SGCD: variants seen among roughly 807,000 people sequenced by gnomAD.
SGCD encodes the protein sarcoglycan delta, also known as delta-sarcoglycan.
Under a neutral mutation model 36.6 loss-of-function variants are expected in SGCD, and 18 were observed. The ratio of observed to expected loss-of-function variants is 0.49; its 90% CI spans 0.34 to 0.73. The LOEUF (loss-of-function observed/expected upper bound fraction) is 0.73. Ranked by LOEUF, SGCD falls within the 30% of genes least tolerant of loss-of-function variation. SGCD has a pLI of 0.01. For synonymous variants in SGCD, 133 were observed against 130.6 expected (o/e 1.02, Z -0.12); for missense variants, 387 against 346.7 (o/e 1.12, Z -0.92).
chr5:156,556,492 A>G (rs1176667746), intron 4 of SGCD, among the ~76,000 whole-genome samples: 4 of 152,162 alleles, frequency 2.6e-5, no homozygotes, highest in African/African-American at 9.6e-5. Flanking sequence ...TCTAAAAATC[A>G]AGAGATCATT....
At chr5:156,378,297 A>G (rs991132822) in intron 3 of SGCD, among the ~76,000 whole-genome samples, 2 of 152,194 alleles carry the variant, frequency 1.3e-5, no homozygotes, top group Non-Finnish European at 2.9e-5. Flanking sequence ...AAGCAGTCAC[A>G]TTGCTAGAGA....
intron 3 of SGCD, among the ~76,000 whole-genome samples, chr5:156,151,549 T>C (rs1312724927): frequency 1.3e-5 from 2 of 151,606 alleles, no homozygotes; most frequent in African/African-American, 4.9e-5. Flanking sequence ...AATGCCATAA[T>C]GCATTGGCTC....
chr5:156,185,435 C>A (rs368859986), intron 3 of SGCD, among the ~76,000 whole-genome samples: 1 of 151,850 alleles, frequency 6.6e-6, no homozygotes. Flanking sequence ...AGGATGGTCT[C>A]GATCTCCTGA....
At chr5:155,873,080 C>T (rs1292773555) in intron 1 of SGCD, among the ~76,000 whole-genome samples, 2 of 152,076 alleles carry the variant, frequency 1.3e-5, no homozygotes, top group Non-Finnish European at 2.9e-5. Flanking sequence ...CTTCAGGTAC[C>T]TGATCAAGGC....
At chr5:155,805,425 T>C in the SGCD span, among the ~76,000 whole-genome samples, 1 of 152,354 alleles carries the variant, frequency 6.6e-6, no homozygotes, top group African/African-American at 2.4e-5. Flanking sequence ...GCAGCATTTC[T>C]GGTAGGAAAA....
At chr5:155,907,648 G>A (rs1756547416) in intron 1 of SGCD, among the ~76,000 whole-genome samples, 1 of 152,084 alleles carries the variant, frequency 6.6e-6, no homozygotes, top group African/African-American at 2.4e-5. Context: ...GCCAGAAGAT[G>A]TGACTGAATT....
the SGCD span, among the ~76,000 whole-genome samples, chr5:155,765,679 T>C: frequency 6.6e-6 from 1 of 151,962 alleles, no homozygotes; most frequent in Non-Finnish European, 1.5e-5. Flanking sequence ...CAAAAATCAA[T>C]TGGATAATCG....
intron 7 of SGCD, among the ~76,000 whole-genome samples, chr5:156,693,442 C>G (rs959922142): frequency 3.9e-5 from 6 of 152,176 alleles, no homozygotes; most frequent in African/African-American, 1.4e-4. Context: ...ATGAACTGAC[C>G]TCTATACCTT....
intron 8 of SGCD, 160 bp downstream of exon 8, chr5:156,757,864 G>C (rs948420313): frequency 2.3e-6 from 3 of 1,311,808 alleles, no homozygotes; most frequent in African/African-American, 1.5e-5. Context: ...ATGATTATAA[G>C]CCAAACCCAC....
intron 1 of SGCD, among the ~76,000 whole-genome samples, chr5:156,027,790 TAATA>T (rs1409011564): frequency 6.6e-6 from 1 of 152,220 alleles, no homozygotes; most frequent in African/African-American, 2.4e-5. Context: ...ATTTATTTGA[TAATA>T]AATTTGGCTA....
chr5:156,568,947 A>C (rs532925603), intron 4 of SGCD, among the ~76,000 whole-genome samples: 17 of 152,316 alleles, frequency 1.1e-4, no homozygotes, highest in Non-Finnish European at 2.4e-4. Flanking sequence ...TATGTACACC[A>C]ATATTACAGA....
chr5:155,960,413 A>T (rs1030087685), intron 1 of SGCD, among the ~76,000 whole-genome samples: 1 of 152,074 alleles, frequency 6.6e-6, no homozygotes, highest in Non-Finnish European at 1.5e-5. Flanking sequence ...AGCCCAGGCC[A>T]GTCTTCTGTT....
chr5:156,046,485 T>C (rs929533986), intron 1 of SGCD, among the ~76,000 whole-genome samples: 1 of 152,172 alleles, frequency 6.6e-6, no homozygotes, highest in Admixed American at 6.5e-5. Flanking sequence ...TTTCCAAAAG[T>C]GTGTGCTCAC....
At chr5:156,153,519 C>A (rs1013925005) in intron 3 of SGCD, among the ~76,000 whole-genome samples, 1 of 151,610 alleles carries the variant, frequency 6.6e-6, no homozygotes, top group Non-Finnish European at 1.5e-5. Context: ...TTTTTATTTC[C>A]TTATGTTTCA....
intron 3 of SGCD, among the ~76,000 whole-genome samples, chr5:156,482,648 A>T (rs1279874080): frequency 6.6e-6 from 1 of 152,100 alleles, no homozygotes; most frequent in African/African-American, 2.4e-5. Flanking sequence ...GAGTAAGATG[A>T]TAAATGCCTT....
At chr5:156,284,464 C>G (rs936213316) in intron 3 of SGCD, among the ~76,000 whole-genome samples, 6 of 152,120 alleles carry the variant, frequency 3.9e-5, no homozygotes, top group African/African-American at 9.7e-5. Context: ...CATCAAAAAG[C>G]TTATCCAACA....
intron 3 of SGCD, among the ~76,000 whole-genome samples, chr5:156,171,372 T>C (rs1162517353): frequency 6.6e-6 from 1 of 152,218 alleles, no homozygotes; most frequent in Non-Finnish European, 1.5e-5. Flanking sequence ...AAATGTCTTC[T>C]GCTTACCTAT....
chr5:155,937,961 C>A (rs1161538007), intron 1 of SGCD, among the ~76,000 whole-genome samples: 1 of 152,164 alleles, frequency 6.6e-6, no homozygotes, highest in African/African-American at 2.4e-5. Flanking sequence ...TGCCAATGAC[C>A]TAGTCAGGAT....
chr5:156,149,451 A>G (rs371806843), intron 3 of SGCD, among the ~76,000 whole-genome samples: 1 of 152,200 alleles, frequency 6.6e-6, no homozygotes, highest in Non-Finnish European at 1.5e-5. Context: ...GCTTCTTTGC[A>G]TCATCCCTGA....
Sources: allele counts gnomAD v4.1 joint callset (sites outside exome capture counted in the v4.1 genomes callset), GRCh38; gene constraint gnomAD v4.1.1; transcripts MANE v1.5; gene names NCBI Gene and HGNC (gene_info 2026-07-23, HGNC 2026-07-21).